Variants in SLC45A2 observed in about 807,000 individuals in gnomAD.
The protein encoded by SLC45A2 is solute carrier family 45 member 2.
Under a neutral mutation model 45.5 loss-of-function variants are expected in SLC45A2, and 36 were observed. The ratio of observed to expected loss-of-function variants is 0.79; its 90% CI spans 0.61 to 1.04. The LOEUF (loss-of-function observed/expected upper bound fraction) is 1.04, where lower values mean the gene tolerates loss of function less well. Among genes scored for constraint, SLC45A2 ranks in the 50% least tolerant of loss-of-function variants. The pLI is 0.00. For missense variants in SLC45A2, 719 were observed against 671.0 expected, an observed-to-expected ratio of 1.07 and a Z score of -0.79; for synonymous variants, 306 against 269.3, an observed-to-expected ratio of 1.14 and a Z score of -1.33.
At chr5:33,963,236 C>T (rs1425107678) in intron 3 of SLC45A2, among the ~76,000 whole-genome samples, 3 of 152,152 alleles carry the variant, frequency 2.0e-5, no homozygotes, top group Non-Finnish European at 4.4e-5. Context: ...CTGATGAATT[C>T]ACTGTGCAGT....
At chr5:33,958,537 G>A (rs1279947623) in intron 3 of SLC45A2, among the ~76,000 whole-genome samples, 2 of 152,060 alleles carry the variant, frequency 1.3e-5, no homozygotes, top group African/African-American at 4.8e-5. Flanking sequence ...TGTTTTTAGA[G>A]GTGGGGTCTC....
intron 2 of SLC45A2, among the ~76,000 whole-genome samples, chr5:33,970,710 T>C (rs3776554): frequency 0.14 from 20,694 of 152,254 alleles, 3,012 homozygotes; most frequent in African/African-American, 0.36. Context: ...AATATCCATC[T>C]CACCAATATT....
At chr5:33,969,102 C>CCTTG (rs1337515603) in intron 2 of SLC45A2, among the ~76,000 whole-genome samples, 2 of 67,526 alleles carry the variant, frequency 3.0e-5, no homozygotes, top group East Asian at 1.1e-3. Flanking sequence ...TGTGTGGTGT[C>CCTTG]CTTGACCCAT....
At chr5:33,966,766 T>C (rs1441595704) in intron 2 of SLC45A2, among the ~76,000 whole-genome samples, 1 of 152,224 alleles carries the variant, frequency 6.6e-6, no homozygotes, top group Non-Finnish European at 1.5e-5. Context: ...ATGAAAGTTA[T>C]AAGAGTTCAA....
At chr5:33,984,063 G>T in intron 1 of SLC45A2, 136 bp downstream of exon 1, 1 of 1,241,296 alleles carries the variant, frequency 8.1e-7, no homozygotes, top group Non-Finnish European at 1.1e-6. Flanking sequence ...TTGTCAAAGG[G>T]GAAGTTCATT....
intron 3 of SLC45A2, among the ~76,000 whole-genome samples, chr5:33,962,502 G>A (rs777505271): frequency 3.3e-5 from 5 of 152,192 alleles, no homozygotes; most frequent in Non-Finnish European, 5.9e-5. Flanking sequence ...AGTTGTTGGA[G>A]TCCAGATTTG....
In SLC45A2 at chr5:33,969,065, C is replaced by CTCTGTGTGTGTGTGTGTG; in HGVS notation, c.563-5050_563-5049insCACACACACACACACAGA. Among the ~76,000 whole-genome samples, 9 of 102,466 alleles carry CTCTGTGTGTGTGTGTGTG rather than the reference C, an allele frequency of 8.8e-5. No individual in the cohort carries two copies. The East Asian group carries it at 1.5e-3, about 17-fold the overall frequency. The allele number at this position is 102,466 out of a possible 152,430, so 67.2% of individuals were successfully genotyped here. On this transcript the variant is annotated intron_variant, in intron 2 of 6. Transcript: ENST00000296589. The stretch of plus-strand genomic sequence containing the variant: ...AGCTACTCTCTCTCTCTCTCTCTCT[C>CTCTGTGTGTGTGTGTGTG]TGTGTGTGTGTGTGTGTGTGTGTGT...
intron 2 of SLC45A2, among the ~76,000 whole-genome samples, chr5:33,975,915 C>A (rs1752917302): frequency 6.6e-6 from 1 of 152,124 alleles, no homozygotes; most frequent in Admixed American, 6.6e-5. Context: ...CCTCCTCTCC[C>A]CTCCTCTTGT....
chr5:33,953,790 T>C (rs1752188272), intron 4 of SLC45A2, among the ~76,000 whole-genome samples: 1 of 102,694 alleles, frequency 9.7e-6, no homozygotes, highest in African/African-American at 3.9e-5. Flanking sequence ...TCAAGACCCA[T>C]CAGTGTGCTG....
chr5:33,959,160 A>AT (rs1306995956), intron 3 of SLC45A2, among the ~76,000 whole-genome samples: 3 of 151,942 alleles, frequency 2.0e-5, no homozygotes, highest in Non-Finnish European at 4.4e-5. Flanking sequence ...CAGACTTTTC[A>AT]TTTTTTGTAT....
chr5:33,974,977 C>T (rs1176715555), intron 2 of SLC45A2, among the ~76,000 whole-genome samples: 7 of 149,970 alleles, frequency 4.7e-5, no homozygotes, highest in Non-Finnish European at 5.9e-5. Context: ...CGAATAATGT[C>T]GATTGTCATT....
chr5:33,960,119 G>A (rs905670944), intron 3 of SLC45A2, among the ~76,000 whole-genome samples: 21 of 152,120 alleles, frequency 1.4e-4, no homozygotes, highest in Non-Finnish European at 2.6e-4. Flanking sequence ...TAGGATTGCT[G>A]GATCAAATCG....
In SLC45A2 at chr5:33,944,845, CT is replaced by C; in HGVS notation, c.1395del (p.Asp466ThrfsTer4). 6.2e-7 allele frequency: 1 copy of C among 1,613,624 alleles called. No homozygotes were observed. The highest frequency in any genetic ancestry group is 8.5e-7 in the Non-Finnish European group (1 of 1,179,794). ...KERQQAPGGDPDNSVRGKGMD... is the reference protein window; with the variant it reads ...KERQQAPGGDXDNSVRGKGMD... ...ATGCCCTTCCCTCTCACGCTGTTGT[CT>C]GGGTCCCCTCCTGGGGCCTGCTGCC... On this transcript the variant is annotated frameshift_variant, in exon 7 of 7. Transcript: ENST00000296589. LOFTEE classifies it high-confidence loss of function.
At chr5:33,960,060 T>G (rs570033454) in intron 3 of SLC45A2, among the ~76,000 whole-genome samples, 32 of 152,274 alleles carry the variant, frequency 2.1e-4, no homozygotes, top group African/African-American at 7.7e-4. Context: ...CTTAGCTAAA[T>G]GTAATGTGGT....
In SLC45A2 at chr5:33,984,351, G is replaced by A; in HGVS notation, c.233C>T (p.Pro78Leu). 1 of 1,614,066 alleles carries A rather than the reference G, an allele frequency of 6.2e-7. No homozygotes were observed. Among genetic ancestry groups the A allele is most frequent in the Non-Finnish European group, 8.5e-7 (1 of 1,179,996 alleles). ...SLYSIVWFLS[P>L]ILGFLLQPVV... ...GGGCTGCAGCAGGAATCCCAGGATGGGGCTGAGGAACCACACAATGCTGTA... is the reference window on the plus strand; with the variant it reads ...GGGCTGCAGCAGGAATCCCAGGATGAGGCTGAGGAACCACACAATGCTGTA... The change falls in exon 1 of 7, where the codon CCC (proline) becomes CTC (leucine). Residue 78 changes from proline to leucine, a missense_variant. By Grantham distance (98) the Pro-to-Leu change is moderately conservative. Coordinates refer to ENST00000296589, the MANE Select transcript of SLC45A2 (RefSeq NM_016180.5).
chr5:33,984,664 G>A lies in SLC45A2; in HGVS notation c.-81C>T, dbSNP rs1414667467. ...GTCTGTGTTTCAAACTGGATTTGACGTGGAGCCTGGCCGAGCAACCAACAG... is the reference window on the plus strand; with the variant it reads ...GTCTGTGTTTCAAACTGGATTTGACATGGAGCCTGGCCGAGCAACCAACAG... On this transcript the variant is annotated 5_prime_UTR_variant, in exon 1 of 7. In the 5' UTR this introduces an upstream ATG that the reference lacks. Transcript: ENST00000296589. 8 of 1,583,514 alleles carry A rather than the reference G, an allele frequency of 5.1e-6. No individual in the cohort carries two copies. The highest frequency in any genetic ancestry group is 1.3e-5 in the African/African-American group (1 of 74,662).
At chr5:33,972,865 A>G (rs376018712) in intron 2 of SLC45A2, among the ~76,000 whole-genome samples, 8 of 152,308 alleles carry the variant, frequency 5.3e-5, no homozygotes, top group East Asian at 3.9e-4. Context: ...ATGTGTTGAA[A>G]CTTTTCGTAT....
intron 3 of SLC45A2, 75 bp from the exon 4 acceptor site, chr5:33,954,579 G>T: frequency 6.3e-7 from 1 of 1,583,274 alleles, no homozygotes; most frequent in South Asian, 1.1e-5. Flanking sequence ...AGAACACACA[G>T]ACATGTTATG....
chr5:33,980,935 C>G (rs1470075653), intron 2 of SLC45A2, among the ~76,000 whole-genome samples: 1 of 152,096 alleles, frequency 6.6e-6, no homozygotes, highest in Non-Finnish European at 1.5e-5. Context: ...GAAGGGTGTC[C>G]CAGGCAGGGC....
Sources: allele counts gnomAD v4.1 joint callset (sites outside exome capture counted in the v4.1 genomes callset), GRCh38; gene constraint gnomAD v4.1.1; transcripts MANE v1.5; gene names NCBI Gene and HGNC (gene_info 2026-07-23, HGNC 2026-07-21).